The following ATRX variants were observed in gnomAD, a reference collection of about 807,000 sequenced individuals.
ATRX encodes the protein ATRX chromatin remodeler, also known as chromatin remodeler ATRX.
A neutral mutation model predicts 172.6 loss-of-function variants in ATRX; 12 were observed. The ratio of observed to expected loss-of-function variants is 0.07; its 90% CI spans 0.04 to 0.11. ATRX has a LOEUF of 0.11. Among genes scored for constraint, ATRX ranks in the 10% least tolerant of loss-of-function variants. The probability of loss-of-function intolerance (pLI) is 1.00; values close to 1 mark genes in which losing one functional copy is unlikely to be tolerated. For synonymous variants in ATRX, 674 were observed against 594.7 expected (o/e 1.13, Z -1.94); for missense variants, 1,368 against 1,767.4 (o/e 0.77, Z 4.05).
intron 22 of ATRX, among the ~76,000 whole-genome samples, chrX:77,605,996 A>G (rs1385518650): frequency 9.0e-6 from 1 of 111,680 alleles, no homozygotes; most frequent in Non-Finnish European, 1.9e-5. Flanking sequence ...TGGAAAACCT[A>G]GAAGAAATGG....
chrX:77,543,989 G>A (rs782560171), intron 30 of ATRX, among the ~76,000 whole-genome samples: 49 of 108,864 alleles, frequency 4.5e-4, no homozygotes, highest in African/African-American at 1.6e-3. Context: ...ACACAAGCAG[G>A]GTAATCAAAA....
At position 77,682,124 on chromosome X, in the gene ATRX, C is replaced by A. The variant is rs2148581019; in HGVS notation, c.3132G>T (p.Lys1044Asn). 8.3e-7 allele frequency: 1 copy of A among 1,209,833 alleles called. No individual in the cohort carries two copies. Among genetic ancestry groups the A allele is most frequent in the Non-Finnish European group, 1.1e-6 (1 of 894,307 alleles). The change falls in exon 9 of 35, where the codon AAG becomes AAT. Residue 1044 changes from lysine to asparagine, a missense_variant. Transcript: ENST00000373344. ...TTTTATCTCTTATTTTTTTACTTTT[C>A]TTTTCTCCATCAGTTGTTCCATTCT... ...QIKNGTTDGEKKSKKIRDKTS... is the reference protein window; with the variant it reads ...QIKNGTTDGENKSKKIRDKTS...
intron 1 of ATRX, among the ~76,000 whole-genome samples, chrX:77,771,858 T>TA (rs1379932895): frequency 9.0e-6 from 1 of 111,638 alleles, no homozygotes; most frequent in Non-Finnish European, 1.9e-5. Context: ...GTAGGGGTGT[T>TA]ACTGGTATCT....
At position 77,682,676 on chromosome X, in the gene ATRX, C is replaced by A. The variant is rs781897301; in HGVS notation, c.2580G>T (p.Met860Ile). The change falls in exon 9 of 35, where the codon ATG (methionine) becomes ATT (isoleucine). Residue 860 changes from methionine (M) to isoleucine (I), a missense_variant. By Grantham distance (10) the Met-to-Ile change is conservative. Transcript: ENST00000373344. ...SEDEKHSKKG[M>I]DNQGHKNLKT... ...TCAAATTTTTGTGCCCTTGATTATC[C>A]ATTCCTTTTTTGCTGTGTTTCTCAT... The A allele has an allele frequency of 8.3e-7, 1 of 1,207,095 alleles. No homozygotes were observed. The highest frequency in any genetic ancestry group is 1.8e-5 in the African/African-American group (1 of 57,020).
chrX:77,641,395 T>A (rs1373266368), intron 15 of ATRX, among the ~76,000 whole-genome samples: 1 of 109,788 alleles, frequency 9.1e-6, no homozygotes, highest in African/African-American at 3.3e-5. Flanking sequence ...CTGGGCAACG[T>A]GGTGAAACCT....
chrX:77,622,629 C>T (rs1253463172), intron 19 of ATRX, among the ~76,000 whole-genome samples: 2 of 111,303 alleles, frequency 1.8e-5, no homozygotes, highest in Non-Finnish European at 3.8e-5. Context: ...GCCTCCTGGC[C>T]AGAACTCCGG....
At chrX:77,770,683 T>A (rs782817945) in intron 1 of ATRX, among the ~76,000 whole-genome samples, 3 of 112,367 alleles carry the variant, frequency 2.7e-5, no homozygotes, top group Non-Finnish European at 5.6e-5. Flanking sequence ...GCCACAGAAC[T>A]GCTCCAAATT....
chrX:77,713,751 G>T (rs2073228326), intron 2 of ATRX, among the ~76,000 whole-genome samples: 3 of 111,320 alleles, frequency 2.7e-5, no homozygotes, highest in African/African-American at 6.5e-5. Context: ...TCACCATTTT[G>T]AACCCATCAT....
At chrX:77,750,024 A>T in intron 1 of ATRX, among the ~76,000 whole-genome samples, 1 of 111,332 alleles carries the variant, frequency 9.0e-6, no homozygotes, top group East Asian at 2.8e-4. Context: ...TAATTCACCT[A>T]CCTTCATCAC....
intron 1 of ATRX, among the ~76,000 whole-genome samples, chrX:77,781,306 G>C (rs782580904): frequency 7.3e-5 from 8 of 109,578 alleles, no homozygotes; most frequent in Non-Finnish European, 1.5e-4. Context: ...GCCGCACATG[G>C]TGGCAGGTGC....
intron 30 of ATRX, among the ~76,000 whole-genome samples, chrX:77,524,672 T>A (rs1386981519): frequency 9.0e-6 from 1 of 111,081 alleles, no homozygotes; most frequent in Non-Finnish European, 1.9e-5. Context: ...CCAATAAACA[T>A]TTGAAACAAT....
chrX:77,683,854 G>C lies in ATRX; in HGVS notation c.1402C>G (p.Gln468Glu), dbSNP rs1569539283. 30 of 1,210,144 alleles carry C rather than the reference G, an allele frequency of 2.5e-5. No individual in the cohort carries two copies. Among genetic ancestry groups the C allele is most frequent in the Non-Finnish European group, 3.2e-5 (29 of 894,344 alleles). Reference sequence around the variant, plus strand: ...TGATGCATGTGCTCACTATCTACCTGTTTTCTTGAAAGTTTAGCTTCTGAC... The same window carrying C: ...TGATGCATGTGCTCACTATCTACCTCTTTTCTTGAAAGTTTAGCTTCTGAC... Reference protein sequence around the residue: ...SKSEAKLSRKQVDSEHMHQNV... With the variant: ...SKSEAKLSRKEVDSEHMHQNV... The change falls in exon 9 of 35, where the codon CAG (glutamine) becomes GAG (glutamate). Residue 468 changes from glutamine (Q) to glutamate (E), a missense_variant. By Grantham distance (29) the Gln-to-Glu change is conservative (BLOSUM62 2). This residue lies in a region of ATRX where 843 missense variants were observed against 643.1 expected (regional missense o/e 1.31). Coordinates refer to ENST00000373344, the MANE Select transcript of ATRX (RefSeq NM_000489.6).
At chrX:77,510,882 G>C (rs1410606011) in intron 34 of ATRX, among the ~76,000 whole-genome samples, 2 of 112,835 alleles carry the variant, frequency 1.8e-5, no homozygotes, top group Non-Finnish European at 3.7e-5. Flanking sequence ...GCCCAGAAGG[G>C]AAGGACACAA....
At chrX:77,731,906 C>T (rs1202352449) in intron 1 of ATRX, among the ~76,000 whole-genome samples, 1 of 111,214 alleles carries the variant, frequency 9.0e-6, no homozygotes, top group African/African-American at 3.3e-5. Context: ...TTCTTGGATG[C>T]CAGACAAGAG....
chrX:77,653,141 G>A (rs1557118124), intron 14 of ATRX, among the ~76,000 whole-genome samples: 1 of 111,611 alleles, frequency 9.0e-6, no homozygotes, highest in African/African-American at 3.3e-5. Context: ...AAAACAGTGT[G>A]GAGTTTTCCA....
chrX:77,604,447 A>G (rs2066819228), intron 22 of ATRX, among the ~76,000 whole-genome samples: 1 of 112,600 alleles, frequency 8.9e-6, no homozygotes, highest in Admixed American at 9.4e-5. Context: ...CCACAATGAC[A>G]TATCTTCCCC....
chrX:77,589,844 A>G lies in ATRX; in HGVS notation c.6207T>C (p.Leu2069=), dbSNP rs369953134. Residue 2069 remains leucine (L), a synonymous_variant, in exon 27 of 35, where the codon CTT becomes CTC. Coordinates refer to ENST00000373344, the MANE Select transcript of ATRX (RefSeq NM_000489.6). Reference sequence around the variant, plus strand: ...ATATTTGTAGCTCACCTTTATAAATAAGGGGTTTATCTTTATCTTCTGTCT... The same window carrying G: ...ATATTTGTAGCTCACCTTTATAAATGAGGGGTTTATCTTTATCTTCTGTCT... ...REKTEDKDKP[L]IYKGEGKWLR... The G allele has an allele frequency of 3.1e-5, 37 of 1,194,110 alleles. No individual in the cohort carries two copies. Among genetic ancestry groups the G allele is most frequent in the Non-Finnish European group, 4.2e-5 (37 of 881,886 alleles).
chrX:77,732,299 TTGAGC>T (rs2074330995), intron 1 of ATRX, among the ~76,000 whole-genome samples: 1 of 111,303 alleles, frequency 9.0e-6, no homozygotes. Context: ...CAACAAGGGG[TTGAGC>T]ACGGCAGGCT....
rs1308454592 is a variant in ATRX at position 77,506,458 on chromosome X, A to G, written c.*1893T>C. ...TCTATGTCTTTGAGTAAATAATTAGACCATGTTGAAAATTCCCAGGTCTAG... is the reference window on the plus strand; with the variant it reads ...TCTATGTCTTTGAGTAAATAATTAGGCCATGTTGAAAATTCCCAGGTCTAG... On this transcript the variant is annotated 3_prime_UTR_variant, in exon 35 of 35. Coordinates refer to ENST00000373344, the MANE Select transcript of ATRX (RefSeq NM_000489.6). 4.5e-4 allele frequency: 78 copies of G among 173,509 alleles called. No individual in the cohort carries two copies. Among genetic ancestry groups the G allele is most frequent in the African/African-American group, 2.2e-3 (74 of 33,951 alleles). The allele number at this position is 173,509 out of a possible 1,213,427, so 14.3% of individuals were successfully genotyped here. A position where few individuals can be genotyped will look rare whatever the true frequency, so the allele number is the denominator to read the frequency against.
Sources: gnomAD v4.1 joint callset for allele counts (sites outside exome capture counted in the v4.1 genomes callset) on GRCh38, gnomAD v4.1.1 for gene constraint, gnomAD v4.1.1 regional missense constraint, MANE v1.5 for transcripts, NCBI Gene and HGNC (gene_info 2026-07-23, HGNC 2026-07-21) for gene names.